Variants in EMILIN2 observed in about 807,000 individuals in gnomAD.
EMILIN2 encodes the protein elastin microfibril interfacer 2.
In EMILIN2, 71 loss-of-function variants were observed where a neutral mutation model predicts 87.1. The observed-to-expected ratio is 0.82, with a 90% CI of 0.67 to 0.99. The LOEUF is 0.99. Among genes scored for constraint, EMILIN2 ranks in the 50% least tolerant of loss-of-function variants. The probability of loss-of-function intolerance (pLI) is 0.00; values close to 1 mark genes in which losing one functional copy is unlikely to be tolerated. For synonymous variants in EMILIN2, 581 were observed against 563.4 expected (o/e 1.03, Z -0.44); for missense variants, 1,407 against 1,371.8 (o/e 1.03, Z -0.40).
intron 2 of EMILIN2, among the ~76,000 whole-genome samples, chr18:2,881,848 C>G (rs1055948572): frequency 2.6e-5 from 4 of 152,222 alleles, no homozygotes; most frequent in Admixed American, 2.0e-4. Flanking sequence ...TTTTCAAGGA[C>G]CACACAGAGG....
chr18:2,847,182 G>A lies in EMILIN2; in HGVS notation c.-7G>A. 1 of 1,126,448 alleles carries A rather than the reference G, an allele frequency of 8.9e-7. No homozygotes were observed. 69.8% of individuals were successfully genotyped at this position (1,126,448 alleles called of 1,614,324 possible). On this transcript the variant is annotated 5_prime_UTR_variant, in exon 1 of 8. Transcript: ENST00000254528. This position sits in a 1 kb window ranked among gnomAD's most constrained non-coding sequence, Gnocchi z 4.5. ...CGGGCAGGCGGGGCGCGCCCGCTGC[G>A]CGCGGGATGTGGCAGCCCAGACGGC...
intron 2 of EMILIN2, among the ~76,000 whole-genome samples, chr18:2,865,966 G>A (rs1280304493): frequency 6.6e-6 from 1 of 152,236 alleles, no homozygotes; most frequent in African/African-American, 2.4e-5. Context: ...AGACTGCTGT[G>A]CTAGCAATGA....
At chr18:2,912,971 TC>T in intron 7 of EMILIN2, 95 bp from the exon 8 acceptor site, 1 of 1,308,142 alleles carries the variant, frequency 7.6e-7, no homozygotes, top group African/African-American at 1.5e-5. Context: ...ATGGCTGGTC[TC>T]CCAGGCCCAG....
In EMILIN2 at chr18:2,847,042, G is replaced by A; in HGVS notation, c.-147G>A. ...TAGGAACGAGAAGCCGGAGGGGGCG[G>A]CCGCGGAGCACTGGTTGGAGCGCCG... On this transcript the variant is annotated 5_prime_UTR_variant, in exon 1 of 8. Coordinates refer to ENST00000254528, the MANE Select transcript of EMILIN2 (RefSeq NM_032048.3). This position sits in a 1 kb window ranked among gnomAD's most constrained non-coding sequence, Gnocchi z 4.5. The A allele has an allele frequency of 9.4e-7, 1 of 1,058,740 alleles. No homozygotes were observed. The allele number at this position is 1,058,740 out of a possible 1,614,324, so 65.6% of individuals were successfully genotyped here.
chr18:2,852,397 A>G (rs1326336477), intron 2 of EMILIN2, among the ~76,000 whole-genome samples: 1 of 152,260 alleles, frequency 6.6e-6, no homozygotes, highest in Non-Finnish European at 1.5e-5. Flanking sequence ...TCCCGAGCTC[A>G]GCTGCCAACA....
Position 2,847,028 on chromosome 18 carries a change from A to G in EMILIN2, c.-161A>G. 1 of 1,053,126 alleles carries G rather than the reference A, an allele frequency of 9.5e-7. No homozygotes were observed. The highest frequency in any genetic ancestry group is 1.2e-6 in the Non-Finnish European group (1 of 868,370). The allele number at this position is 1,053,126 out of a possible 1,614,324, so 65.2% of individuals were successfully genotyped here. ...TGCAGAAGGAGAAGTAGGAACGAGA[A>G]GCCGGAGGGGGCGGCCGCGGAGCAC... is the stretch of plus-strand genomic sequence containing the variant. On this transcript the variant is annotated 5_prime_UTR_variant, in exon 1 of 8. Transcript: ENST00000254528. The surrounding 1 kb of genome is among the most constrained non-coding windows in gnomAD (Gnocchi z 4.5).
intron 4 of EMILIN2, among the ~76,000 whole-genome samples, chr18:2,895,409 C>T (rs1477267698): frequency 1.3e-5 from 2 of 152,178 alleles, no homozygotes; most frequent in African/African-American, 4.8e-5. Flanking sequence ...TGTGGATTAG[C>T]TATTTATTGC....
intron 2 of EMILIN2, among the ~76,000 whole-genome samples, chr18:2,873,694 A>C (rs138564050): frequency 2.6e-5 from 4 of 151,886 alleles, no homozygotes; most frequent in South Asian, 2.1e-4. Flanking sequence ...GCGACAGAGC[A>C]AGACTCCATC....
intron 2 of EMILIN2, among the ~76,000 whole-genome samples, chr18:2,875,019 G>A (rs531855173): frequency 4.7e-4 from 71 of 152,338 alleles, no homozygotes; most frequent in South Asian, 3.3e-3. Flanking sequence ...CAGTGGATGG[G>A]CAGCTACATG....
At chr18:2,874,479 C>G (rs1471784135) in intron 2 of EMILIN2, among the ~76,000 whole-genome samples, 1 of 152,124 alleles carries the variant, frequency 6.6e-6, no homozygotes, top group Non-Finnish European at 1.5e-5. Context: ...CTCTTTATCT[C>G]GCTAAGCAGC....
intron 2 of EMILIN2, among the ~76,000 whole-genome samples, chr18:2,882,414 C>T (rs76188719): frequency 0.014 from 2,090 of 152,278 alleles, 29 homozygotes; most frequent in Middle Eastern, 0.092. Context: ...TCACAGTTTC[C>T]TGGGTGATTC....
In EMILIN2 at chr18:2,847,717, C is replaced by T. The variant is rs1430378730; in HGVS notation, c.135-92C>T. On this transcript the variant is annotated intron_variant, in intron 1 of 7. Coordinates refer to ENST00000254528, the MANE Select transcript of EMILIN2 (RefSeq NM_032048.3). The surrounding 1 kb of genome is among the most constrained non-coding windows in gnomAD (Gnocchi z 4.5). ...GAGGGCGACGGGCCCCCCCGACCCT[C>T]GCTCGGTCTGGTGCCGCAGTCCCCT... The T allele has an allele frequency of 1.3e-6, 2 of 1,507,132 alleles. No homozygotes were observed. Among genetic ancestry groups the T allele is most frequent in the African/African-American group, 1.4e-5 (1 of 71,572 alleles). The allele number at this position is 1,507,132 out of a possible 1,614,324, so 93.4% of individuals were successfully genotyped here. A position where few individuals can be genotyped will look rare whatever the true frequency, so the allele number is the denominator to read the frequency against.
intron 4 of EMILIN2, among the ~76,000 whole-genome samples, chr18:2,900,585 T>C (rs1329854679): frequency 6.6e-6 from 1 of 152,220 alleles, no homozygotes; most frequent in African/African-American, 2.4e-5. Flanking sequence ...ACATGCCTAC[T>C]TGTGAGCCAC....
In EMILIN2 at chr18:2,891,160, G is replaced by C; in HGVS notation, c.1033G>C (p.Glu345Gln). 6.2e-7 allele frequency: 1 copy of C among 1,614,228 alleles called. No individual in the cohort carries two copies. ...RKLADLKNSC[E>Q]YKLTGLQQQC... ...GCTGGCTGACCTGAAAAACTCATGT[G>C]AGTACAAGCTCACTGGCCTCCAGCA... is the stretch of plus-strand genomic sequence containing the variant. The change falls in exon 4 of 8, where the codon GAG (glutamate) becomes CAG (glutamine). Residue 345 changes from glutamate (E) to glutamine (Q), a missense_variant. Glu to Gln is a conservative substitution (Grantham distance 29). Coordinates refer to ENST00000254528, the MANE Select transcript of EMILIN2 (RefSeq NM_032048.3). The surrounding 1 kb of genome is among the most constrained non-coding windows in gnomAD (Gnocchi z 4.6).
At position 2,862,526 on chromosome 18, in the gene EMILIN2, T is replaced by G. The variant is rs1158907618; in HGVS notation, c.257+14595T>G. 2.0e-5 allele frequency among the ~76,000 whole-genome samples: 3 copies of G among 152,082 alleles called. No individual in the cohort carries two copies. The East Asian group carries it at 5.8e-4, about 29-fold the overall frequency. On this transcript the variant is annotated intron_variant, in intron 2 of 7. Transcript: ENST00000254528. ...TTGTCATTGGCTGGATTATGTTTAT[T>G]GATTTGCATATGTTGAACCAGCCTT...
At chr18:2,888,797 A>G (rs1369244649) in intron 3 of EMILIN2, among the ~76,000 whole-genome samples, 1 of 152,110 alleles carries the variant, frequency 6.6e-6, no homozygotes, top group Non-Finnish European at 1.5e-5. Context: ...CTCTGCAAAA[A>G]GAATGATTCT....
At position 2,877,374 on chromosome 18, in the gene EMILIN2, C is replaced by CT. The variant is rs145393531; in HGVS notation, c.258-7581dup. Among the ~76,000 whole-genome samples the CT allele has an allele frequency of 3.1e-3, 472 of 150,342 alleles. 2 individuals carry two copies. Among genetic ancestry groups the CT allele is most frequent in the African/African-American group, 0.011 (431 of 40,882 alleles). On this transcript the variant is annotated intron_variant, in intron 2 of 7. Coordinates refer to ENST00000254528, the MANE Select transcript of EMILIN2 (RefSeq NM_032048.3). ...AGTGTCAATAAATATAAAAAGCCCT[C>CT]TTTTTTTTTCTCATACCACATCGTC... is the stretch of plus-strand genomic sequence containing the variant.
intron 7 of EMILIN2, among the ~76,000 whole-genome samples, chr18:2,910,374 G>A (rs1053394974): frequency 8.5e-5 from 13 of 152,182 alleles, no homozygotes; most frequent in African/African-American, 2.9e-4. Flanking sequence ...CCCCTGCCCC[G>A]GGTTGTTGCT....
intron 4 of EMILIN2, chr18:2,906,581 C>T (rs972275059): frequency 1.8e-5 from 7 of 391,034 alleles, no homozygotes; most frequent in Non-Finnish European, 2.6e-5. Flanking sequence ...GCAGGGGTCC[C>T]CGGCGGCGTC....
Sources: gnomAD v4.1 joint callset for allele counts (sites outside exome capture counted in the v4.1 genomes callset) on GRCh38, gnomAD v4.1.1 for gene constraint, Gnocchi (gnomAD v3.1) non-coding constraint, MANE v1.5 for transcripts, NCBI Gene and HGNC (gene_info 2026-07-23, HGNC 2026-07-21) for gene names.